The following PARP11 variants were observed in gnomAD, a reference collection of about 807,000 sequenced individuals.
PARP11 encodes the protein poly(ADP-ribose) polymerase family member 11.
Under a neutral mutation model 42.9 loss-of-function variants are expected in PARP11, and 31 were observed. The observed-to-expected ratio is 0.72, with a 90% CI of 0.54 to 0.98. PARP11 has a LOEUF of 0.98. Ranked by LOEUF, PARP11 falls within the 50% of genes least tolerant of loss-of-function variation. The probability of loss-of-function intolerance (pLI) is 0.00; values close to 1 mark genes in which losing one functional copy is unlikely to be tolerated. For missense variants in PARP11, 365 were observed against 413.1 expected, an observed-to-expected ratio of 0.88 and a Z score of 1.01; for synonymous variants, 137 against 127.3, an observed-to-expected ratio of 1.08 and a Z score of -0.51.
At chr12:3,846,617 TGTG>T (rs1265950015) in intron 1 of PARP11, among the ~76,000 whole-genome samples, 2 of 150,720 alleles carry the variant, frequency 1.3e-5, no homozygotes, top group East Asian at 3.9e-4. Flanking sequence ...ATTAGCCAGG[TGTG>T]GTGGCAGGCG....
At chr12:3,868,090 T>C (rs1440873767) in intron 1 of PARP11, among the ~76,000 whole-genome samples, 1 of 152,116 alleles carries the variant, frequency 6.6e-6, no homozygotes, top group Non-Finnish European at 1.5e-5. Context: ...TCAAATTAGA[T>C]ATAAGTACTT....
chr12:3,872,790 CA>C (rs1408982621), intron 1 of PARP11: 2 of 985,288 alleles, frequency 2.0e-6, no homozygotes, highest in South Asian at 4.7e-5. Context: ...AAGCAAAACA[CA>C]AAGTTTCAAA....
In PARP11 at chr12:3,811,519, A is replaced by T. The variant is rs1001955827; in HGVS notation, c.*604T>A. ...CAGCCTGCTATCCTAAGGCAACTGG[A>T]AAGTGGGGCATTCTACCTTGATTTT... On this transcript the variant is annotated 3_prime_UTR_variant, in exon 8 of 8. Transcript: ENST00000228820. The T allele has an allele frequency of 3.9e-5, 6 of 152,244 alleles. No individual in the cohort carries two copies. Among genetic ancestry groups the T allele is most frequent in the Non-Finnish European group, 8.8e-5 (6 of 68,064 alleles). 9.4% of individuals were successfully genotyped at this position (152,244 alleles called of 1,614,324 possible). A position where few individuals can be genotyped will look rare whatever the true frequency, so the allele number is the denominator to read the frequency against.
intron 1 of PARP11, among the ~76,000 whole-genome samples, chr12:3,836,493 T>C (rs1947765018): frequency 2.0e-5 from 3 of 152,206 alleles, no homozygotes. Context: ...TTTATCAGGC[T>C]GAAATGATAC....
intron 1 of PARP11, chr12:3,839,579 G>C: frequency 7.2e-7 from 1 of 1,385,170 alleles, no homozygotes; most frequent in Non-Finnish European, 1.0e-6. Flanking sequence ...TATTTAAAGC[G>C]CTTGGAAAAT....
rs762209914 is a variant in PARP11 at position 3,822,102 on chromosome 12, T to C, written c.400A>G (p.Thr134Ala). The change falls in exon 5 of 8, where the codon ACT becomes GCT. Residue 134 changes from threonine (T) to alanine (A), a missense_variant. Coordinates refer to ENST00000228820, the MANE Select transcript of PARP11 (RefSeq NM_020367.6). ...PMPPHWENVN[T>A]QVPYQLIPLH... The stretch of plus-strand genomic sequence containing the variant: ...GCTCTTACCTGATATGGTACTTGAG[T>C]ATTCACATTCTCCCAGTGTGGTGGC... The C allele has an allele frequency of 6.2e-7, 1 of 1,613,900 alleles. No homozygotes were observed. The highest frequency in any genetic ancestry group is 1.1e-5 in the South Asian group (1 of 91,068).
rs1948290902 is a variant in PARP11, at chr12:3,861,534, A to C, written c.18+11678T>G. 6.6e-6 allele frequency among the ~76,000 whole-genome samples: 1 copy of C among 152,096 alleles called. No homozygotes were observed. The highest frequency in any genetic ancestry group is 2.4e-5 in the African/African-American group (1 of 41,400). On this transcript the variant is annotated intron_variant, in intron 1 of 7. Coordinates refer to ENST00000228820, the MANE Select transcript of PARP11 (RefSeq NM_020367.6). This position sits in a 1 kb window ranked among gnomAD's most constrained non-coding sequence, Gnocchi z 4.6. ...TTAAAAAATTGAGTTCCTTCTCTTGAGATTTCAGAGTTCTTAATATATTCT... is the reference window on the plus strand; with the variant it reads ...TTAAAAAATTGAGTTCCTTCTCTTGCGATTTCAGAGTTCTTAATATATTCT...
At chr12:3,822,356 T>A (rs932912662) in intron 4 of PARP11, among the ~76,000 whole-genome samples, 199 bp from the exon 5 acceptor site, 10 of 151,754 alleles carry the variant, frequency 6.6e-5, no homozygotes, top group African/African-American at 1.2e-4. Context: ...CCCAGCACTT[T>A]GGGAGGCCGA....
At chr12:3,841,378 C>G (rs1476260093) in intron 1 of PARP11, 1 of 1,310,036 alleles carries the variant, frequency 7.6e-7, no homozygotes, top group Non-Finnish European at 1.1e-6. Flanking sequence ...CAGGATGTAC[C>G]CAAAGGTCCC....
rs1255322968 is a variant in PARP11 at position 3,842,137 on chromosome 12, T to A, written c.19-12119A>T. The A allele has an allele frequency of 3.1e-6, 5 of 1,611,936 alleles. No individual in the cohort carries two copies. The African/African-American group carries it at 5.4e-5, about 17-fold the overall frequency. ...GAACCTAAAAGGACCATTCAAAGTCTGAAAGAAAAAACAGAAAAAGTAAAA... is the reference window on the plus strand; with the variant it reads ...GAACCTAAAAGGACCATTCAAAGTCAGAAAGAAAAAACAGAAAAAGTAAAA... On this transcript the variant is annotated intron_variant, in intron 1 of 7. Coordinates refer to ENST00000228820, the MANE Select transcript of PARP11 (RefSeq NM_020367.6).
chr12:3,844,084 C>T (rs375665436), intron 1 of PARP11, among the ~76,000 whole-genome samples: 1 of 152,152 alleles, frequency 6.6e-6, no homozygotes, highest in South Asian at 2.1e-4. Flanking sequence ...CTCAGTGAAT[C>T]GCCACTGTAC....
intron 6 of PARP11, among the ~76,000 whole-genome samples, chr12:3,818,702 A>G (rs1276464181): frequency 1.3e-5 from 2 of 152,216 alleles, no homozygotes; most frequent in African/African-American, 4.8e-5. Flanking sequence ...TAAGTTACCA[A>G]TGGCCTTCTT....
intron 1 of PARP11, among the ~76,000 whole-genome samples, chr12:3,850,722 T>A (rs991080640): frequency 2.0e-4 from 30 of 152,142 alleles, no homozygotes; most frequent in African/African-American, 7.2e-4. Flanking sequence ...TCACTGTGGA[T>A]AACAGTGATA....
At chr12:3,837,659 T>C (rs1195613880) in intron 1 of PARP11, among the ~76,000 whole-genome samples, 2 of 148,294 alleles carry the variant, frequency 1.3e-5, no homozygotes, top group African/African-American at 5.1e-5. Context: ...AGTGGCTGAA[T>C]GGCGAAGAAA....
intron 1 of PARP11, among the ~76,000 whole-genome samples, chr12:3,844,245 A>C (rs900469010): frequency 1.8e-4 from 28 of 152,238 alleles, no homozygotes; most frequent in African/African-American, 6.8e-4. Flanking sequence ...GCTAGGTAAA[A>C]AATTGTAAAG....
chr12:3,868,813 C>A (rs1458905207), intron 1 of PARP11, among the ~76,000 whole-genome samples: 2 of 152,218 alleles, frequency 1.3e-5, no homozygotes, highest in Non-Finnish European at 2.9e-5. Context: ...CCTACAGCCC[C>A]TTATCCCCCT....
chr12:3,846,331 C>T (rs575490070), intron 1 of PARP11, among the ~76,000 whole-genome samples: 2 of 150,782 alleles, frequency 1.3e-5, no homozygotes, highest in Admixed American at 6.6e-5. Context: ...AAAAAGGTGA[C>T]AACTGAGACC....
Position 3,810,706 on chromosome 12 carries a change from G to GAGAGC in PARP11, c.*1416_*1417insGCTCT, listed in dbSNP as rs1947155632. On this transcript the variant is annotated 3_prime_UTR_variant, in exon 8 of 8. Transcript: ENST00000228820. ...AGGAAAGAAAGAAGGAAGGAAGAGA[G>GAGAGC]AGAGAAGAGAAGAGAAAGAGAAAGA... 1 of 135,620 alleles carries GAGAGC rather than the reference G, an allele frequency of 7.4e-6. No homozygotes were observed. Among genetic ancestry groups the GAGAGC allele is most frequent in the Non-Finnish European group, 1.5e-5 (1 of 65,760 alleles). The allele number at this position is 135,620 out of a possible 1,614,324, so 8.4% of individuals were successfully genotyped here.
chr12:3,812,637 A>G (rs1016802680), intron 7 of PARP11, among the ~76,000 whole-genome samples, 198 bp from the exon 8 acceptor site: 6 of 152,204 alleles, frequency 3.9e-5, no homozygotes, highest in African/African-American at 1.4e-4. Flanking sequence ...TGCCATAGGA[A>G]TAGATTTGTT....
Sources: allele counts gnomAD v4.1 joint callset (sites outside exome capture counted in the v4.1 genomes callset), GRCh38; gene constraint gnomAD v4.1.1; non-coding constraint Gnocchi (gnomAD v3.1); transcripts MANE v1.5; gene names NCBI Gene and HGNC (gene_info 2026-07-23, HGNC 2026-07-21).